Variants in KIAA1217 observed in about 807,000 individuals in gnomAD.
KIAA1217 encodes the protein sickle tail protein homolog.
KIAA1217 carries 88 observed loss-of-function variants against 163.9 expected under a neutral mutation model. That is an observed-to-expected ratio of 0.54 (90% CI 0.45 to 0.64). The LOEUF (loss-of-function observed/expected upper bound fraction) is 0.64. Ranked by LOEUF, KIAA1217 falls within the 30% of genes least tolerant of loss-of-function variation. KIAA1217 has a pLI of 0.00. For synonymous variants in KIAA1217, 903 were observed against 923.1 expected, an observed-to-expected ratio of 0.98 and a Z score of 0.39; for missense variants, 2,372 against 2,475.0, an observed-to-expected ratio of 0.96 and a Z score of 0.88.
At chr10:23,723,635 T>G (rs1199305394) in intron 1 of KIAA1217, among the ~76,000 whole-genome samples, 1 of 152,204 alleles carries the variant, frequency 6.6e-6, no homozygotes, top group Non-Finnish European at 1.5e-5. Flanking sequence ...TATTTCATGT[T>G]ACATAAAAGA....
intron 2 of KIAA1217, among the ~76,000 whole-genome samples, chr10:24,291,238 C>A (rs553495125): frequency 2.9e-4 from 44 of 152,272 alleles, no homozygotes; most frequent in African/African-American, 1.0e-3. Context: ...TAGAAAATTT[C>A]ACTCAATCGG....
chr10:23,816,340 T>C (rs1468346686), intron 1 of KIAA1217, among the ~76,000 whole-genome samples: 1 of 152,206 alleles, frequency 6.6e-6, no homozygotes, highest in Non-Finnish European at 1.5e-5. Context: ...TTGCCCAGGC[T>C]GGAGTGCAGT....
At chr10:23,727,829 G>C (rs1413415872) in intron 1 of KIAA1217, among the ~76,000 whole-genome samples, 1 of 152,054 alleles carries the variant, frequency 6.6e-6, no homozygotes, top group African/African-American at 2.4e-5. Flanking sequence ...CCTTGTGTGT[G>C]ATGTTCCCCT....
intron 1 of KIAA1217, among the ~76,000 whole-genome samples, chr10:23,772,362 T>A (rs1834835880): frequency 6.6e-6 from 1 of 152,062 alleles, no homozygotes; most frequent in African/African-American, 2.4e-5. Context: ...CTTTAAATCA[T>A]GAAGTAGTAG....
At chr10:23,714,153 C>T (rs1446706363) in intron 1 of KIAA1217, among the ~76,000 whole-genome samples, 1 of 151,974 alleles carries the variant, frequency 6.6e-6, no homozygotes, top group Non-Finnish European at 1.5e-5. Context: ...CTAAGACCAA[C>T]CTTCTAAATA....
chr10:24,227,855 C>T (rs1564303151), intron 2 of KIAA1217, among the ~76,000 whole-genome samples: 1 of 152,144 alleles, frequency 6.6e-6, no homozygotes, highest in Non-Finnish European at 1.5e-5. Flanking sequence ...GAAACAGGGT[C>T]AGTGAGGCCA....
intron 6 of KIAA1217, among the ~76,000 whole-genome samples, chr10:24,488,922 G>A (rs1376786954): frequency 6.6e-6 from 1 of 152,178 alleles, no homozygotes; most frequent in Non-Finnish European, 1.5e-5. Flanking sequence ...CCTGGGAAAG[G>A]GGATGCAGTG....
At chr10:24,105,400 A>ATATTCATG (rs2062585593) in intron 2 of KIAA1217, among the ~76,000 whole-genome samples, 1 of 152,124 alleles carries the variant, frequency 6.6e-6, no homozygotes, top group African/African-American at 2.4e-5. Context: ...GTACTGGGAG[A>ATATTCATG]TATTCATGTA....
intron 9 of KIAA1217, among the ~76,000 whole-genome samples, chr10:24,503,219 C>A (rs1342916872): frequency 6.6e-6 from 1 of 152,192 alleles, no homozygotes; most frequent in Non-Finnish European, 1.5e-5. Context: ...AGACCTGCCC[C>A]AAGGCCCCAG....
At chr10:23,991,232 G>A (rs1342771483) in intron 1 of KIAA1217, among the ~76,000 whole-genome samples, 1 of 152,214 alleles carries the variant, frequency 6.6e-6, no homozygotes, top group African/African-American at 2.4e-5. Context: ...CTCCCATGCA[G>A]CCACTTGAAC....
chr10:24,095,649 C>G (rs1480359470), intron 2 of KIAA1217, among the ~76,000 whole-genome samples: 1 of 152,150 alleles, frequency 6.6e-6, no homozygotes, highest in East Asian at 1.9e-4. Context: ...CAAGTTCTCC[C>G]TAGACAAACT....
intron 2 of KIAA1217, among the ~76,000 whole-genome samples, chr10:24,144,416 A>G (rs908860509): frequency 1.3e-5 from 2 of 152,234 alleles, no homozygotes; most frequent in Non-Finnish European, 2.9e-5. Flanking sequence ...TACATGTTTT[A>G]AAATGTGTTT....
intron 1 of KIAA1217, among the ~76,000 whole-genome samples, chr10:23,705,508 A>G (rs1358630461): frequency 4.6e-5 from 7 of 152,158 alleles, no homozygotes; most frequent in African/African-American, 1.7e-4. Flanking sequence ...GTGAAAAGTA[A>G]TCAAATTTTC....
At chr10:24,422,901 C>CTTTTTTTTTTTTTTTTT (rs58161228) in intron 3 of KIAA1217, among the ~76,000 whole-genome samples, 67 of 120,604 alleles carry the variant, frequency 5.6e-4, no homozygotes, top group East Asian at 1.5e-3. Flanking sequence ...ATAGATTTAA[C>CTTTTTTTTTTTTTTTTT]TTTTTTTTTT....
At chr10:23,792,685 A>T (rs61849181) in intron 1 of KIAA1217, among the ~76,000 whole-genome samples, 1 of 148,140 alleles carries the variant, frequency 6.8e-6, no homozygotes, top group African/African-American at 2.5e-5. Flanking sequence ...TTTTTTTTTA[A>T]TAGAGACAGG....
At chr10:24,061,862 T>A (rs2060735703) in intron 2 of KIAA1217, among the ~76,000 whole-genome samples, 2 of 152,166 alleles carry the variant, frequency 1.3e-5, no homozygotes, top group South Asian at 4.1e-4. Context: ...TTTGTGTATA[T>A]TTATTTGGGT....
At chr10:24,062,537 A>C (rs1164099379) in intron 2 of KIAA1217, among the ~76,000 whole-genome samples, 4 of 150,940 alleles carry the variant, frequency 2.7e-5, no homozygotes, top group Non-Finnish European at 4.4e-5. Context: ...CCAGTCTATC[A>C]TTGTTGGACA....
Position 24,508,858 on chromosome 10 carries a change from A to T in KIAA1217, c.2002-4401A>T, listed in dbSNP as rs142419892. 3.8e-3 allele frequency among the ~76,000 whole-genome samples: 584 copies of T among 152,300 alleles called. 3 individuals carry two copies. Among genetic ancestry groups the T allele is most frequent in the African/African-American group, 0.013 (557 of 41,580 alleles). ...TCTAGAACACAAAGAACTCATCTATAATGACAGAAAGCAGAGTGGTGGTTT... is the reference window on the plus strand; with the variant it reads ...TCTAGAACACAAAGAACTCATCTATTATGACAGAAAGCAGAGTGGTGGTTT... On this transcript the variant is annotated intron_variant, in intron 9 of 20. Transcript: ENST00000376454.
chr10:23,702,079 G>T (rs1015922529), intron 1 of KIAA1217, among the ~76,000 whole-genome samples: 2 of 152,160 alleles, frequency 1.3e-5, no homozygotes, highest in Non-Finnish European at 2.9e-5. Flanking sequence ...ATTTCCATTA[G>T]ATTACAGTGG....
Sources: allele counts gnomAD v4.1 joint callset (sites outside exome capture counted in the v4.1 genomes callset), GRCh38; gene constraint gnomAD v4.1.1; transcripts MANE v1.5; gene names NCBI Gene and HGNC (gene_info 2026-07-23, HGNC 2026-07-21).